The following PXDNL variants were observed in gnomAD, a reference collection of about 807,000 sequenced individuals.
PXDNL encodes peroxidasin like.
A neutral mutation model predicts 150.8 loss-of-function variants in PXDNL; 145 were observed. The ratio of observed to expected loss-of-function variants is 0.96; its 90% CI spans 0.84 to 1.10. The LOEUF (loss-of-function observed/expected upper bound fraction) is 1.10, where lower values mean the gene tolerates loss of function less well. PXDNL is among the 50% of genes least tolerant of loss of function. PXDNL has a pLI of 0.00. For missense variants in PXDNL, 2,087 were observed against 1,873.9 expected, an observed-to-expected ratio of 1.11 and a Z score of -2.10; for synonymous variants, 757 against 725.7, an observed-to-expected ratio of 1.04 and a Z score of -0.69.
intron 1 of PXDNL, among the ~76,000 whole-genome samples, chr8:51,681,659 A>C (rs2044975365): frequency 6.6e-6 from 1 of 152,234 alleles, no homozygotes; most frequent in African/African-American, 2.4e-5. Flanking sequence ...GGACAACAAT[A>C]TTGTTATGAG....
intron 4 of PXDNL, among the ~76,000 whole-genome samples, chr8:51,504,930 C>T (rs78448353): frequency 0.036 from 5,513 of 152,314 alleles, 239 homozygotes; most frequent in East Asian, 0.25. Flanking sequence ...AATGGCATTA[C>T]ATTTCCTTGG....
At chr8:51,769,332 T>G (rs1421093754) in intron 1 of PXDNL, among the ~76,000 whole-genome samples, 1 of 152,208 alleles carries the variant, frequency 6.6e-6, no homozygotes, top group East Asian at 1.9e-4. Flanking sequence ...TAGTTACCAT[T>G]ACTCCAAAAT....
chr8:51,709,876 T>C (rs955306468), intron 1 of PXDNL, among the ~76,000 whole-genome samples: 2 of 152,204 alleles, frequency 1.3e-5, no homozygotes, highest in Non-Finnish European at 1.5e-5. Flanking sequence ...ACATTATCTA[T>C]GTGAAATTTT....
chr8:51,408,616 T>C lies in PXDNL; in HGVS notation c.3008A>G (p.Lys1003Arg). The C allele has an allele frequency of 6.2e-7, 1 of 1,610,040 alleles. No individual in the cohort carries two copies. The highest frequency in any genetic ancestry group is 8.5e-7 in the Non-Finnish European group (1 of 1,178,228). ...EGNTVYQEAR[K>R]IVGAELQHIT... ...GTGCTGCAGCTCCGCGCCCACGATC[T>C]TCCTGGCTTCCTGGTAAACCGTGTT... Residue 1003 changes from lysine (K) to arginine (R), a missense_variant, in exon 17 of 23, where the codon AAG becomes AGG. By Grantham distance (26) the Lys-to-Arg change is conservative. Coordinates refer to ENST00000356297, the MANE Select transcript of PXDNL (RefSeq NM_144651.5).
intron 14 of PXDNL, among the ~76,000 whole-genome samples, chr8:51,423,228 C>T (rs959488981): frequency 2.0e-5 from 3 of 152,160 alleles, no homozygotes; most frequent in African/African-American, 7.2e-5. Flanking sequence ...GTATGTAGTA[C>T]ATGTTGAATT....
intron 14 of PXDNL, among the ~76,000 whole-genome samples, chr8:51,419,977 C>T (rs1432377940): frequency 6.6e-6 from 1 of 152,124 alleles, no homozygotes; most frequent in Admixed American, 6.5e-5. Context: ...AATGAGCTTT[C>T]TGAAAAAATT....
chr8:51,600,219 A>C (rs1024341536), intron 2 of PXDNL, among the ~76,000 whole-genome samples: 1 of 138,904 alleles, frequency 7.2e-6, no homozygotes, highest in Non-Finnish European at 1.5e-5. Context: ...ATTATATCTC[A>C]TATAAATTAT....
intron 4 of PXDNL, among the ~76,000 whole-genome samples, chr8:51,535,131 C>G (rs112468220): frequency 0.2 from 25,704 of 125,856 alleles, 3,240 homozygotes; most frequent in Admixed American, 0.28. Flanking sequence ...CCGCCCCATC[C>G]GGGAGGTGAG....
At chr8:51,535,668 G>T (rs1812055628) in intron 4 of PXDNL, among the ~76,000 whole-genome samples, 1 of 144,050 alleles carries the variant, frequency 6.9e-6, no homozygotes, top group African/African-American at 2.7e-5. Context: ...ATTGTCCTAT[G>T]ACCCTGCCAA....
intron 19 of PXDNL, among the ~76,000 whole-genome samples, chr8:51,350,338 T>G (rs55713920): frequency 3.5e-5 from 5 of 142,866 alleles, no homozygotes; most frequent in African/African-American, 1.3e-4. Flanking sequence ...TAGTCTTTTA[T>G]TAGCAAATGC....
chr8:51,608,019 AAG>A (rs568178837), intron 2 of PXDNL, among the ~76,000 whole-genome samples: 13 of 75,452 alleles, frequency 1.7e-4, no homozygotes, highest in African/African-American at 8.7e-4. Flanking sequence ...GAAAGAAAGA[AAG>A]AAAGAAAGAA....
intron 2 of PXDNL, among the ~76,000 whole-genome samples, chr8:51,649,458 A>G (rs1433677452): frequency 6.6e-6 from 1 of 152,198 alleles, no homozygotes; most frequent in Admixed American, 6.5e-5. Flanking sequence ...GTAAATGTTT[A>G]ATACTAGAAG....
rs146162343 is a variant in PXDNL at position 51,358,044 on chromosome 8, C to A, written c.3902-12097G>T. Among the ~76,000 whole-genome samples, 220 of 152,276 alleles carry A rather than the reference C, an allele frequency of 1.4e-3. 1 individual carries two copies. In the East Asian group the frequency reaches 0.019, roughly 13 times the overall value. On this transcript the variant is annotated intron_variant, in intron 19 of 22. Transcript: ENST00000356297. ...AAAGATTCATTATAAAAAAGAAAGC[C>A]ATCTTCACAGGATAAACATGATGTC...
chr8:51,755,620 A>T (rs1240687044), intron 1 of PXDNL, among the ~76,000 whole-genome samples: 1 of 152,158 alleles, frequency 6.6e-6, no homozygotes, highest in Non-Finnish European at 1.5e-5. Flanking sequence ...TGTCCTTATG[A>T]TGTGCTGTGA....
At chr8:51,775,499 C>CT (rs1278421696) in intron 1 of PXDNL, among the ~76,000 whole-genome samples, 2 of 152,288 alleles carry the variant, frequency 1.3e-5, no homozygotes, top group Non-Finnish European at 2.9e-5. Flanking sequence ...GAGGGACTAG[C>CT]TGAAGCCATG....
Position 51,496,204 on chromosome 8 carries a change from G to T in PXDNL, c.452+3495C>A, listed in dbSNP as rs550573410. ...CCATATGATTATCTCAATAGATGCA[G>T]AAAAGGCCTTTGACAAAATTCAACA... is the stretch of plus-strand genomic sequence containing the variant. On this transcript the variant is annotated intron_variant, in intron 5 of 22. Transcript: ENST00000356297. Among the ~76,000 whole-genome samples, 3 of 152,302 alleles carry T rather than the reference G, an allele frequency of 2.0e-5. No individual in the cohort carries two copies. The South Asian group carries it at 6.2e-4, about 32-fold the overall frequency.
At chr8:51,350,064 G>A (rs1444712842) in intron 19 of PXDNL, among the ~76,000 whole-genome samples, 2 of 151,880 alleles carry the variant, frequency 1.3e-5, no homozygotes, top group African/African-American at 2.4e-5. Flanking sequence ...ATCTCTTACC[G>A]AGAAAAAATT....
At chr8:51,794,633 C>A (rs2037543300) in intron 1 of PXDNL, among the ~76,000 whole-genome samples, 1 of 152,154 alleles carries the variant, frequency 6.6e-6, no homozygotes, top group South Asian at 2.1e-4. Context: ...CACCACCAGG[C>A]CTGCCTTGCA....
At chr8:51,472,850 G>T (rs1210568351) in intron 7 of PXDNL, among the ~76,000 whole-genome samples, 1 of 152,188 alleles carries the variant, frequency 6.6e-6, no homozygotes, top group Non-Finnish European at 1.5e-5. Flanking sequence ...AGAAGATGGA[G>T]TGATTGATTT....
Sources: allele counts gnomAD v4.1 joint callset (sites outside exome capture counted in the v4.1 genomes callset), GRCh38; gene constraint gnomAD v4.1.1; transcripts MANE v1.5; gene names NCBI Gene and HGNC (gene_info 2026-07-23, HGNC 2026-07-21).